The following BCL2L14 variants were observed in gnomAD, a reference collection of about 807,000 sequenced individuals.
BCL2L14 encodes BCL2 like 14, also known as apoptosis facilitator Bcl-2-like protein 14.
Under a neutral mutation model 35.3 loss-of-function variants are expected in BCL2L14, and 27 were observed. That is an observed-to-expected ratio of 0.76 (90% confidence interval 0.56 to 1.05). The LOEUF (loss-of-function observed/expected upper bound fraction) is 1.05. BCL2L14 is among the 50% of genes least tolerant of loss of function. The pLI, the probability that BCL2L14 is intolerant of heterozygous loss-of-function variation, is 0.00. For synonymous variants in BCL2L14, 139 were observed against 145.9 expected, an observed-to-expected ratio of 0.95 and a Z score of 0.34; for missense variants, 377 against 382.6, an observed-to-expected ratio of 0.99 and a Z score of 0.12.
At chr12:12,055,710 C>T (rs1258842630) in intron 2 of BCL2L14, 3 of 152,174 alleles carry the variant, frequency 2.0e-5, no homozygotes, top group Non-Finnish European at 4.4e-5. Context: ...CAAATGGACT[C>T]AGAGTGGTTC....
At chr12:12,090,395 C>T (rs1393400533) in intron 3 of BCL2L14, among the ~76,000 whole-genome samples, 2 of 152,022 alleles carry the variant, frequency 1.3e-5, no homozygotes, top group African/African-American at 2.4e-5. Context: ...TTTGGGAGGC[C>T]GAAGTGGGTG....
At chr12:12,096,213 T>C (rs906921994) in intron 5 of BCL2L14, 2 of 916,184 alleles carry the variant, frequency 2.2e-6, no homozygotes, top group Non-Finnish European at 2.6e-6. Flanking sequence ...TTAAAAATCA[T>C]TGTTAGTCCT....
intron 3 of BCL2L14, among the ~76,000 whole-genome samples, chr12:12,089,205 A>G (rs1346196007): frequency 6.6e-6 from 1 of 151,910 alleles, no homozygotes; most frequent in East Asian, 1.9e-4. Flanking sequence ...CTTCTCTACT[A>G]AAAATACAAA....
chr12:12,064,085 A>T (rs972894398), intron 2 of BCL2L14, among the ~76,000 whole-genome samples: 7 of 152,126 alleles, frequency 4.6e-5, no homozygotes, highest in African/African-American at 9.7e-5. Context: ...ACTGACCTCA[A>T]GTAATCCACC....
At chr12:12,057,480 G>A (rs990438945) in intron 2 of BCL2L14, among the ~76,000 whole-genome samples, 4 of 152,212 alleles carry the variant, frequency 2.6e-5, no homozygotes, top group Admixed American at 6.5e-5. Context: ...GAAGAGAGCC[G>A]GGCTCGGTGG....
At chr12:12,069,009 T>C (rs893020095), upstream of BCL2L14, among the ~76,000 whole-genome samples, 4 of 152,204 alleles carry the variant, frequency 2.6e-5, no homozygotes, top group Non-Finnish European at 5.9e-5. Flanking sequence ...CTTCCAGACA[T>C]TGCCATAACA....
At chr12:12,088,107 C>G (rs557653433) in intron 3 of BCL2L14, among the ~76,000 whole-genome samples, 1 of 152,128 alleles carries the variant, frequency 6.6e-6, no homozygotes, top group African/African-American at 2.4e-5. Context: ...TTGTCTCATG[C>G]CAAGGGAATC....
At chr12:12,090,068 T>C (rs1043104539) in intron 3 of BCL2L14, among the ~76,000 whole-genome samples, 2 of 152,148 alleles carry the variant, frequency 1.3e-5, no homozygotes, top group Non-Finnish European at 2.9e-5. Flanking sequence ...ATGGTGTCCA[T>C]AAGATAAAAG....
In BCL2L14 at chr12:12,099,492, C is replaced by A. The variant is rs1937582197; in HGVS notation, c.*504C>A. On this transcript the variant is annotated 3_prime_UTR_variant, in exon 6 of 6. Transcript: ENST00000308721. Reference sequence around the variant, plus strand: ...GAAACTCTTAGGTTTACTGCTACATCCATTTGTTTGGAGAGGTAACTGTTG... The same window carrying A: ...GAAACTCTTAGGTTTACTGCTACATACATTTGTTTGGAGAGGTAACTGTTG... 1 of 152,594 alleles carries A rather than the reference C, an allele frequency of 6.6e-6. No homozygotes were observed. The highest frequency in any genetic ancestry group is 2.4e-5 in the African/African-American group (1 of 41,440). 9.5% of individuals were successfully genotyped at this position (152,594 alleles called of 1,614,324 possible).
intron 5 of BCL2L14, among the ~76,000 whole-genome samples, chr12:12,097,483 G>C (rs1949341383): frequency 6.6e-6 from 1 of 152,182 alleles, no homozygotes; most frequent in Non-Finnish European, 1.5e-5. Flanking sequence ...GTCCAGAATA[G>C]GCAAATGTAT....
At chr12:12,087,508 G>A in intron 3 of BCL2L14, 122 bp downstream of exon 3, 1 of 1,113,728 alleles carries the variant, frequency 9.0e-7, no homozygotes, top group Non-Finnish European at 1.3e-6. Context: ...GGGCTTGACA[G>A]CCACAGGCTG....
At chr12:12,074,530 C>A (rs1443220163) in intron 1 of BCL2L14, among the ~76,000 whole-genome samples, 2 of 148,130 alleles carry the variant, frequency 1.4e-5, no homozygotes, top group Non-Finnish European at 3.0e-5. Context: ...CTTCTACCTC[C>A]TGGGTTCAAG....
chr12:12,094,130 A>T (rs1369984268), intron 4 of BCL2L14, among the ~76,000 whole-genome samples: 1 of 152,028 alleles, frequency 6.6e-6, no homozygotes, highest in Non-Finnish European at 1.5e-5. Context: ...AAGAAAGAAA[A>T]CAATTACCCT....
At chr12:12,053,351 G>A (rs1212438891) in intron 2 of BCL2L14, among the ~76,000 whole-genome samples, 1 of 152,044 alleles carries the variant, frequency 6.6e-6, no homozygotes, top group East Asian at 1.9e-4. Context: ...ACAAGGGCAG[G>A]GCTGAACTCA....
chr12:12,095,537 C>T (rs1349068184), intron 5 of BCL2L14: 1 of 985,316 alleles, frequency 1.0e-6, no homozygotes, highest in African/African-American at 1.7e-5. Context: ...TTCCTCAGGT[C>T]TCCTTAAGAC....
At chr12:12,090,536 G>C (rs540409993) in intron 3 of BCL2L14, among the ~76,000 whole-genome samples, 1 of 152,064 alleles carries the variant, frequency 6.6e-6, no homozygotes, top group East Asian at 1.9e-4. Flanking sequence ...GGGAGACTGA[G>C]GCATGAGAAT....
chr12:12,099,334 C>A lies in BCL2L14; in HGVS notation c.*346C>A. The A allele has an allele frequency of 3.8e-6, 1 of 265,546 alleles. No homozygotes were observed. Among genetic ancestry groups the A allele is most frequent in the East Asian group, 1.0e-4 (1 of 9,526 alleles). The allele number at this position is 265,546 out of a possible 1,614,324, so 16.4% of individuals were successfully genotyped here. On this transcript the variant is annotated 3_prime_UTR_variant, in exon 6 of 6. Coordinates refer to ENST00000308721, the MANE Select transcript of BCL2L14 (RefSeq NM_138723.2). ...AAAGTGCGTTACAGATGTCTGCTGACCTCACAAGAGTGAAAAGATAAACTG... is the reference window on the plus strand; with the variant it reads ...AAAGTGCGTTACAGATGTCTGCTGAACTCACAAGAGTGAAAAGATAAACTG...
chr12:12,058,915 C>A (rs1397166081), intron 2 of BCL2L14, among the ~76,000 whole-genome samples: 1 of 152,220 alleles, frequency 6.6e-6, no homozygotes, highest in Non-Finnish European at 1.5e-5. Flanking sequence ...AAACATCTCA[C>A]CAATTTCAAA....
At chr12:12,056,022 T>C (rs1015005920) in intron 2 of BCL2L14, among the ~76,000 whole-genome samples, 1 of 152,168 alleles carries the variant, frequency 6.6e-6, no homozygotes, top group South Asian at 2.1e-4. Context: ...CTGATCACCC[T>C]GCCTGGTCTT....
Sources: allele counts gnomAD v4.1 joint callset (sites outside exome capture counted in the v4.1 genomes callset), GRCh38; gene constraint gnomAD v4.1.1; transcripts MANE v1.5; gene names NCBI Gene and HGNC (gene_info 2026-07-23, HGNC 2026-07-21).